Variants in FGF14 observed in about 807,000 individuals in gnomAD.
FGF14 encodes fibroblast growth factor homologous factor 4.
A neutral mutation model predicts 25.5 loss-of-function variants in FGF14; 5 were observed. The observed-to-expected ratio is 0.20, with a 90% CI of 0.10 to 0.41. The LOEUF is 0.41. Ranked by LOEUF, FGF14 falls within the 10% of genes least tolerant of loss-of-function variation. The probability of loss-of-function intolerance (pLI) is 1.00; values close to 1 mark genes in which losing one functional copy is unlikely to be tolerated. For missense variants in FGF14, 222 were observed against 320.1 expected (o/e 0.69, Z 2.34); for synonymous variants, 138 against 118.3 (o/e 1.17, Z -1.08).
In FGF14 at chr13:102,332,946, G is replaced by C. The variant is rs554519401; in HGVS notation, c.208+68525C>G. Among the ~76,000 whole-genome samples the C allele has an allele frequency of 1.4e-3, 214 of 152,228 alleles. 1 individual carries two copies. The highest frequency in any genetic ancestry group is 4.8e-3 in the African/African-American group (199 of 41,536). On this transcript the variant is annotated intron_variant, in intron 1 of 4. Transcript: ENST00000376131. ...CCATTTTTTATTCCTTGATGTGACT[G>C]TCCCATAATTCTTCTAGCTAACTAA...
chr13:102,365,263 G>C (rs888959783), intron 1 of FGF14, among the ~76,000 whole-genome samples: 13 of 152,128 alleles, frequency 8.5e-5, no homozygotes, highest in African/African-American at 3.1e-4. Context: ...AGGCATGACA[G>C]GATAGCACAG....
chr13:101,780,653 T>C (rs1048135655), intron 3 of FGF14, among the ~76,000 whole-genome samples: 3 of 152,010 alleles, frequency 2.0e-5, no homozygotes, highest in African/African-American at 7.3e-5. Context: ...ACTTGACATG[T>C]CTTTATTATT....
chr13:102,159,041 G>A (rs542386932), intron 1 of FGF14, among the ~76,000 whole-genome samples: 2 of 150,982 alleles, frequency 1.3e-5, no homozygotes, highest in East Asian at 2.0e-4. Flanking sequence ...TCGGGAGGCC[G>A]AGGCAGGAGA....
upstream of FGF14, among the ~76,000 whole-genome samples, chr13:101,919,757 G>C (rs1177436803): frequency 6.6e-6 from 1 of 152,098 alleles, no homozygotes; most frequent in Non-Finnish European, 1.5e-5. Context: ...TTTCCCTCAT[G>C]ATGGGAAGGA....
At chr13:101,903,646 G>C (rs1690580946) in intron 1 of FGF14, among the ~76,000 whole-genome samples, 1 of 152,150 alleles carries the variant, frequency 6.6e-6, no homozygotes, top group Admixed American at 6.5e-5. Flanking sequence ...AGGGAGGGCT[G>C]TGTGCCACAA....
At position 101,770,228 on chromosome 13, in the gene FGF14, G is replaced by A. The variant is rs531991233; in HGVS notation, c.409-43418C>T. 1.5e-4 allele frequency among the ~76,000 whole-genome samples: 23 copies of A among 152,152 alleles called. No homozygotes were observed. The South Asian group carries it at 3.3e-3, about 22-fold the overall frequency. On this transcript the variant is annotated intron_variant, in intron 3 of 4. Transcript: ENST00000376143. ...ACTTATGAATTGTTTGGGTCTAACT[G>A]TAATTTTTGTACAAACCATTCATTG... is the stretch of plus-strand genomic sequence containing the variant.
At chr13:102,318,266 G>A (rs1317551113) in intron 1 of FGF14, among the ~76,000 whole-genome samples, 1 of 152,110 alleles carries the variant, frequency 6.6e-6, no homozygotes, top group East Asian at 1.9e-4. Flanking sequence ...GAGTGCCCTG[G>A]GTGCCATAGG....
In FGF14 at chr13:102,002,961, C is replaced by T. The variant is rs190819270; in HGVS notation, c.209-127665G>A. ...ACTTTCCCACATTAAATTAATAAACCCAACACTGCTTCCTGAAATTAACAG... is the reference window on the plus strand; with the variant it reads ...ACTTTCCCACATTAAATTAATAAACTCAACACTGCTTCCTGAAATTAACAG... On this transcript the variant is annotated intron_variant, in intron 1 of 4. Coordinates refer to the FGF14 transcript ENST00000376131. 5.3e-5 allele frequency: 8 copies of T among 152,184 alleles called. No homozygotes were observed. The East Asian group carries it at 1.5e-3, about 29-fold the overall frequency. 9.4% of individuals were successfully genotyped at this position (152,184 alleles called of 1,614,324 possible).
intron 1 of FGF14, among the ~76,000 whole-genome samples, chr13:101,933,120 T>C (rs993279927): frequency 1.3e-5 from 2 of 152,246 alleles, no homozygotes; most frequent in Admixed American, 6.5e-5. Context: ...TGATATTTTA[T>C]ATATTCTGTT....
intron 1 of FGF14, among the ~76,000 whole-genome samples, chr13:102,359,848 T>C (rs1280008687): frequency 2.1e-5 from 3 of 144,446 alleles, no homozygotes; most frequent in Non-Finnish European, 4.6e-5. Context: ...AAATCAACTT[T>C]ATGTTAAAAA....
chr13:101,948,013 A>C (rs1257426022), intron 1 of FGF14, among the ~76,000 whole-genome samples: 1 of 152,194 alleles, frequency 6.6e-6, no homozygotes, highest in East Asian at 1.9e-4. Flanking sequence ...AGAAAGAAAA[A>C]CTTTGCTGAG....
At chr13:102,275,842 T>G (rs1275117611) in intron 1 of FGF14, among the ~76,000 whole-genome samples, 1 of 152,138 alleles carries the variant, frequency 6.6e-6, no homozygotes, top group Non-Finnish European at 1.5e-5. Context: ...GAACAGTTAT[T>G]TAAAATGAAA....
chr13:101,916,592 C>T lies in FGF14; in HGVS notation c.54G>A (p.Glu18=). The change falls in exon 1 of 5, where the codon GAG becomes GAA. Residue 18 remains glutamate, a synonymous_variant. Transcript: ENST00000376143. ...TGGCAGACGGCCGGTCCCAGTGCTG[C>T]TCCCGCGCCTGCCGCTTCTGGCGGA... ...GLIRQKRQAR[E]QHWDRPSASR... The T allele has an allele frequency of 6.3e-7, 1 of 1,591,746 alleles. No individual in the cohort carries two copies. The highest frequency in any genetic ancestry group is 8.5e-7 in the Non-Finnish European group (1 of 1,169,772).
chr13:101,843,590 T>C (rs1359782432), intron 3 of FGF14, among the ~76,000 whole-genome samples: 1 of 152,022 alleles, frequency 6.6e-6, no homozygotes, highest in African/African-American at 2.4e-5. Context: ...TAGTTAACTC[T>C]AGTTATAGGA....
intron 3 of FGF14, among the ~76,000 whole-genome samples, chr13:101,822,199 T>C (rs2042187787): frequency 6.6e-6 from 1 of 152,192 alleles, no homozygotes; most frequent in Non-Finnish European, 1.5e-5. Flanking sequence ...GTAGGGATTA[T>C]GGCTCCCACT....
intron 1 of FGF14, among the ~76,000 whole-genome samples, chr13:101,994,312 TTAA>T (rs2039065723): frequency 6.6e-6 from 1 of 152,072 alleles, no homozygotes; most frequent in African/African-American, 2.4e-5. Context: ...AATAGATTAA[TTAA>T]TGTCAGTATA....
intron 3 of FGF14, among the ~76,000 whole-genome samples, chr13:101,804,224 T>C (rs1352248941): frequency 1.3e-5 from 2 of 152,158 alleles, no homozygotes; most frequent in African/African-American, 2.4e-5. Context: ...AATACAGTTC[T>C]TTTAGTTTGG....
chr13:101,969,377 C>A (rs1408237216), intron 1 of FGF14, among the ~76,000 whole-genome samples: 1 of 152,104 alleles, frequency 6.6e-6, no homozygotes, highest in Non-Finnish European at 1.5e-5. Context: ...TCCTGGCTAA[C>A]ACGGTGAATC....
intron 1 of FGF14, among the ~76,000 whole-genome samples, chr13:102,257,705 A>G (rs896000274): frequency 6.6e-6 from 1 of 151,922 alleles, no homozygotes; most frequent in African/African-American, 2.4e-5. Context: ...TTTTCCATCA[A>G]TACTTCCATT....
Sources: allele counts gnomAD v4.1 joint callset (sites outside exome capture counted in the v4.1 genomes callset), GRCh38; gene constraint gnomAD v4.1.1; transcripts MANE v1.5; gene names NCBI Gene and HGNC (gene_info 2026-07-23, HGNC 2026-07-21).